Variants in TENM3 observed in about 807,000 individuals in gnomAD.
The protein encoded by TENM3 is teneurin-3.
TENM3 carries 63 observed loss-of-function variants against 255.1 expected under a neutral mutation model. That is an observed-to-expected ratio of 0.25 (90% CI 0.20 to 0.30). The LOEUF is 0.30. Among genes scored for constraint, TENM3 ranks in the 10% least tolerant of loss-of-function variants. The pLI, the probability that TENM3 is intolerant of heterozygous loss-of-function variation, is 1.00. For missense variants in TENM3, 2,929 were observed against 3,461.1 expected, an observed-to-expected ratio of 0.85 and a Z score of 3.86; for synonymous variants, 1,306 against 1,322.3, an observed-to-expected ratio of 0.99 and a Z score of 0.27.
intron 3 of TENM3, among the ~76,000 whole-genome samples, chr4:182,401,165 C>T (rs997688267): frequency 3.3e-5 from 5 of 152,066 alleles, no homozygotes; most frequent in African/African-American, 9.7e-5. Flanking sequence ...CAGGTTATTC[C>T]GGAGTTCCTC....
the TENM3 span, among the ~76,000 whole-genome samples, chr4:181,879,548 G>A: frequency 3.3e-4 from 51 of 152,252 alleles, 1 homozygote; most frequent in South Asian, 8.9e-3. Context: ...GACACTGCTC[G>A]TAATCTCTTC....
chr4:182,030,370 A>G, the TENM3 span, among the ~76,000 whole-genome samples: 3,828 of 152,050 alleles, frequency 0.025, 159 homozygotes, highest in African/African-American at 0.086. Context: ...TGCTGAGGAT[A>G]ATGGCTTCCA....
At chr4:181,732,874 C>T in the TENM3 span, among the ~76,000 whole-genome samples, 1 of 152,138 alleles carries the variant, frequency 6.6e-6, no homozygotes, top group Non-Finnish European at 1.5e-5. Context: ...AAACCATTTG[C>T]AGACTATTGT....
chr4:182,199,365 T>C (rs1465923609), intron 1 of TENM3, among the ~76,000 whole-genome samples: 1 of 152,042 alleles, frequency 6.6e-6, no homozygotes, highest in Non-Finnish European at 1.5e-5. Flanking sequence ...GAGGTTGCAG[T>C]GAGCCAAGAT....
At chr4:181,796,769 C>T in the TENM3 span, among the ~76,000 whole-genome samples, 8 of 152,228 alleles carry the variant, frequency 5.3e-5, no homozygotes, top group African/African-American at 1.9e-4. Flanking sequence ...AGAACACTGA[C>T]GTTGCATAAG....
At chr4:181,912,627 T>C in the TENM3 span, among the ~76,000 whole-genome samples, 2 of 151,980 alleles carry the variant, frequency 1.3e-5, no homozygotes, top group East Asian at 1.9e-4. Flanking sequence ...ACCCTGTCTC[T>C]ACTAAAAATA....
intron 1 of TENM3, among the ~76,000 whole-genome samples, chr4:182,221,543 A>T (rs941403054): frequency 6.6e-6 from 1 of 152,208 alleles, no homozygotes; most frequent in Non-Finnish European, 1.5e-5. Flanking sequence ...AAACTATATT[A>T]GTTTCCATCC....
chr4:181,884,104 C>T, the TENM3 span, among the ~76,000 whole-genome samples: 2 of 152,014 alleles, frequency 1.3e-5, no homozygotes, highest in Non-Finnish European at 2.9e-5. Flanking sequence ...ATAATTTTTT[C>T]GTGGCATACT....
chr4:181,973,823 A>G, the TENM3 span, among the ~76,000 whole-genome samples: 19 of 152,168 alleles, frequency 1.2e-4, no homozygotes, highest in Non-Finnish European at 2.4e-4. Context: ...AGGTCTCACT[A>G]GGAAGATGAT....
the TENM3 span, among the ~76,000 whole-genome samples, chr4:181,976,850 G>T: frequency 0.015 from 2,334 of 152,258 alleles, 46 homozygotes; most frequent in African/African-American, 0.053. Context: ...AGTTAAATCA[G>T]GGGAGAAAAG....
chr4:182,725,636 C>T (rs377217652), intron 13 of TENM3, among the ~76,000 whole-genome samples: 45 of 133,644 alleles, frequency 3.4e-4, no homozygotes, highest in African/African-American at 9.5e-4. Context: ...TCTTTTTTTT[C>T]TTTTTTTTTT....
chr4:182,443,716 C>T (rs1772682342), intron 3 of TENM3, among the ~76,000 whole-genome samples: 1 of 152,126 alleles, frequency 6.6e-6, no homozygotes, highest in African/African-American at 2.4e-5. Context: ...AGAGTCCAGA[C>T]CTCATCACAC....
chr4:182,793,475 C>G lies in TENM3; in HGVS notation c.6803C>G (p.Ser2268Ter), dbSNP rs369153629. ...RITHVYNHSSSEITSLYYDLQ... is the reference protein window; with the variant it reads ...RITHVYNHSS Reference sequence around the variant, plus strand: ...ACTCATGTCTACAACCATTCGAGTTCAGAAATTACCTCCCTGTATTATGAT... The same window carrying G: ...ACTCATGTCTACAACCATTCGAGTTGAGAAATTACCTCCCTGTATTATGAT... The change falls in exon 26 of 28, where the codon TCA becomes TGA. Residue 2268 changes from serine (S) to a stop codon, truncating the protein, a stop_gained. Coordinates refer to ENST00000511685, the MANE Select transcript of TENM3 (RefSeq NM_001080477.4). LOFTEE classifies it high-confidence loss of function. This position sits in a 1 kb window ranked among gnomAD's most constrained non-coding sequence, Gnocchi z 5.7. 6.2e-7 allele frequency: 1 copy of G among 1,613,816 alleles called. No homozygotes were observed. The highest frequency in any genetic ancestry group is 1.3e-5 in the African/African-American group (1 of 74,910).
chr4:182,754,694 G>A lies in TENM3; in HGVS notation c.4327G>A (p.Gly1443Arg), dbSNP rs776390399. ...AGATGGAGAAATCTCCTTAGTGGCC[G>A]GAATACCTTCAGAGTGTGACTGCAA... is the stretch of plus-strand genomic sequence containing the variant. The part of the protein sequence containing the change: ...TTDGEISLVA[G>R]IPSECDCKND... The change falls in exon 22 of 28, where the codon GGA (glycine) becomes AGA (arginine). Residue 1443 changes from glycine (G) to arginine (R), a missense_variant. Gly to Arg is a moderately radical substitution (Grantham distance 125). Coordinates refer to ENST00000511685, the MANE Select transcript of TENM3 (RefSeq NM_001080477.4). This position sits in a 1 kb window ranked among gnomAD's most constrained non-coding sequence, Gnocchi z 5.1. The A allele has an allele frequency of 4.3e-6, 7 of 1,613,912 alleles. No individual in the cohort carries two copies. Among genetic ancestry groups the A allele is most frequent in the Non-Finnish European group, 1.7e-6 (2 of 1,179,906 alleles).
At chr4:181,575,582 A>G in the TENM3 span, among the ~76,000 whole-genome samples, 14 of 152,176 alleles carry the variant, frequency 9.2e-5, no homozygotes, top group Admixed American at 5.2e-4. Context: ...TGCAAACCAT[A>G]TTGCCTCTTT....
At chr4:182,587,167 C>T (rs933272882) in intron 3 of TENM3, among the ~76,000 whole-genome samples, 7 of 151,882 alleles carry the variant, frequency 4.6e-5, no homozygotes, top group Admixed American at 6.6e-5. Flanking sequence ...CATGGCTCAC[C>T]GTAGCCTCAA....
chr4:181,574,177 C>T, the TENM3 span, among the ~76,000 whole-genome samples: 2 of 152,292 alleles, frequency 1.3e-5, no homozygotes, highest in South Asian at 2.1e-4. Context: ...GAGTTCCTAC[C>T]TAGTCACTTC....
chr4:182,112,462 C>A, the TENM3 span, among the ~76,000 whole-genome samples: 22 of 152,156 alleles, frequency 1.4e-4, no homozygotes, highest in Admixed American at 1.4e-3. Context: ...CCCTTTGTAG[C>A]CTCAAAGTTA....
the TENM3 span, among the ~76,000 whole-genome samples, chr4:181,476,966 G>A: frequency 6.6e-6 from 1 of 152,122 alleles, no homozygotes; most frequent in African/African-American, 2.4e-5. Flanking sequence ...GAGCTGAAAA[G>A]CTACAGAGGT....
Sources: gnomAD v4.1 joint callset for allele counts (sites outside exome capture counted in the v4.1 genomes callset) on GRCh38, gnomAD v4.1.1 for gene constraint, Gnocchi (gnomAD v3.1) non-coding constraint, MANE v1.5 for transcripts, NCBI Gene and HGNC (gene_info 2026-07-23, HGNC 2026-07-21) for gene names.